FGGY: variants seen among roughly 807,000 people sequenced by gnomAD.
FGGY encodes FGGY carbohydrate kinase domain containing.
FGGY carries 72 observed loss-of-function variants against 71.3 expected under a neutral mutation model. The observed-to-expected ratio is 1.01, with a 90% confidence interval of 0.84 to 1.23. The LOEUF (loss-of-function observed/expected upper bound fraction) is 1.23, where lower values mean the gene tolerates loss of function less well. FGGY is among the 50% of genes most tolerant of loss of function. The pLI is 0.00. For missense variants in FGGY, 668 were observed against 682.3 expected (o/e 0.98, Z 0.23); for synonymous variants, 251 against 250.3 (o/e 1.00, Z -0.02).
At chr1:59,644,377 C>T (rs1418037091) in intron 11 of FGGY, among the ~76,000 whole-genome samples, 1 of 152,120 alleles carries the variant, frequency 6.6e-6, no homozygotes, top group African/African-American at 2.4e-5. Flanking sequence ...GATACAATAT[C>T]AGCCTGAAGC....
At chr1:59,722,691 T>G (rs575437903) in intron 14 of FGGY, among the ~76,000 whole-genome samples, 2 of 152,340 alleles carry the variant, frequency 1.3e-5, no homozygotes, top group African/African-American at 4.8e-5. Flanking sequence ...AAAATTATTA[T>G]ATTCTTACTT....
intron 7 of FGGY, among the ~76,000 whole-genome samples, chr1:59,521,687 A>G (rs962796030): frequency 1.3e-5 from 2 of 152,150 alleles, no homozygotes; most frequent in African/African-American, 4.8e-5. Flanking sequence ...GAATCATCCA[A>G]AGTTACCCCA....
intron 7 of FGGY, among the ~76,000 whole-genome samples, chr1:59,526,947 A>G (rs1413531639): frequency 6.6e-6 from 1 of 152,198 alleles, no homozygotes; most frequent in Non-Finnish European, 1.5e-5. Context: ...CTCCTGACAC[A>G]TTGTAAGCAC....
At chr1:59,691,448 G>A (rs985763796) in intron 14 of FGGY, among the ~76,000 whole-genome samples, 11 of 151,874 alleles carry the variant, frequency 7.2e-5, no homozygotes, top group African/African-American at 2.7e-4. Context: ...ATTCTCCTTG[G>A]CTGAAAACAG....
intron 5 of FGGY, among the ~76,000 whole-genome samples, chr1:59,446,856 A>G (rs2071391797): frequency 6.6e-6 from 1 of 152,230 alleles, no homozygotes; most frequent in Non-Finnish European, 1.5e-5. Flanking sequence ...ATGTCAGTAC[A>G]GTGAGCTGCG....
At chr1:59,733,461 G>GTTTTGTTTT (rs1553437712) in intron 14 of FGGY, among the ~76,000 whole-genome samples, 15 of 145,096 alleles carry the variant, frequency 1.0e-4, no homozygotes, top group East Asian at 2.0e-4. Flanking sequence ...GTTTTGTTTT[G>GTTTTGTTTT]TTTTTTTGTT....
intron 6 of FGGY, among the ~76,000 whole-genome samples, chr1:59,503,106 ATAG>A (rs1490995954): frequency 6.6e-6 from 1 of 152,192 alleles, no homozygotes; most frequent in Non-Finnish European, 1.5e-5. Context: ...GTCCCATTAC[ATAG>A]TGACTTTGAA....
intron 2 of FGGY, among the ~76,000 whole-genome samples, chr1:59,325,021 CTT>C (rs762442737): frequency 5.9e-5 from 9 of 152,166 alleles, no homozygotes; most frequent in Non-Finnish European, 1.2e-4. Flanking sequence ...CTGGAATACT[CTT>C]CTCTTAACTT....
chr1:59,433,976 G>C (rs531821578), intron 5 of FGGY, among the ~76,000 whole-genome samples: 200 of 152,216 alleles, frequency 1.3e-3, no homozygotes, highest in African/African-American at 4.5e-3. Context: ...TTTATTATTT[G>C]TTTCATTTTG....
intron 14 of FGGY, among the ~76,000 whole-genome samples, chr1:59,748,548 G>A (rs996273006): frequency 6.6e-6 from 1 of 152,162 alleles, no homozygotes; most frequent in Non-Finnish European, 1.5e-5. Context: ...TCCCAGCATG[G>A]CCAGCCCAGT....
chr1:59,456,135 T>G (rs2091664027), intron 5 of FGGY, among the ~76,000 whole-genome samples: 1 of 152,160 alleles, frequency 6.6e-6, no homozygotes, highest in Non-Finnish European at 1.5e-5. Flanking sequence ...CATCACTCTG[T>G]CCCAACAACC....
At chr1:59,713,529 A>T (rs2097817261) in intron 14 of FGGY, among the ~76,000 whole-genome samples, 1 of 151,850 alleles carries the variant, frequency 6.6e-6, no homozygotes, top group Non-Finnish European at 1.5e-5. Flanking sequence ...AACAAAATTA[A>T]ATGTAGACTA....
intron 11 of FGGY, among the ~76,000 whole-genome samples, chr1:59,654,680 G>C (rs1208362775): frequency 6.6e-6 from 1 of 152,114 alleles, no homozygotes; most frequent in Non-Finnish European, 1.5e-5. Context: ...CCAAGGTTTA[G>C]AGCAGTCATT....
At chr1:59,433,611 A>G (rs1038916729) in intron 5 of FGGY, among the ~76,000 whole-genome samples, 5 of 152,150 alleles carry the variant, frequency 3.3e-5, no homozygotes, top group African/African-American at 1.2e-4. Context: ...AACCAAAAAT[A>G]TGCTTTTGTA....
At chr1:59,375,412 ACTTTT>A (rs1200981413) in intron 4 of FGGY, among the ~76,000 whole-genome samples, 1 of 152,092 alleles carries the variant, frequency 6.6e-6, no homozygotes, top group Non-Finnish European at 1.5e-5. Flanking sequence ...CTATCTCCAG[ACTTTT>A]CTTTTGTAGA....
rs559859545 is a variant in FGGY at position 59,691,740 on chromosome 1, T to C, written c.1512+17607T>C. 3.3e-5 allele frequency among the ~76,000 whole-genome samples: 5 copies of C among 151,974 alleles called. No individual in the cohort carries two copies. In the South Asian group the frequency reaches 1.0e-3, roughly 32 times the overall value. On this transcript the variant is annotated intron_variant, in intron 14 of 15. Transcript: ENST00000303721. ...GAATTCTTCTTGGTACTTACAGCCT[T>C]AAGATATCCATACACCCCCACATCC...
intron 6 of FGGY, among the ~76,000 whole-genome samples, chr1:59,495,732 G>C (rs1024014586): frequency 7.2e-5 from 11 of 151,976 alleles, no homozygotes; most frequent in African/African-American, 2.7e-4. Context: ...TATTGAATTG[G>C]GGGGAGGGGT....
chr1:59,375,491 C>T (rs1340459804), intron 4 of FGGY, among the ~76,000 whole-genome samples: 1 of 152,182 alleles, frequency 6.6e-6, no homozygotes, highest in African/African-American at 2.4e-5. Flanking sequence ...GTACCTCAGA[C>T]TTCCCACAAC....
At chr1:59,613,967 A>G (rs1365953695) in intron 9 of FGGY, among the ~76,000 whole-genome samples, 2 of 152,238 alleles carry the variant, frequency 1.3e-5, no homozygotes, top group Non-Finnish European at 2.9e-5. Flanking sequence ...GAATCTCTGA[A>G]TAGACCAATA....
Sources: gnomAD v4.1 joint callset for allele counts (sites outside exome capture counted in the v4.1 genomes callset) on GRCh38, gnomAD v4.1.1 for gene constraint, MANE v1.5 for transcripts, NCBI Gene and HGNC (gene_info 2026-07-23, HGNC 2026-07-21) for gene names.